Variants in DGKA observed in about 807,000 individuals in gnomAD.
The protein encoded by DGKA is 80 kDa diacylglycerol kinase.
DGKA carries 35 observed loss-of-function variants against 105.0 expected under a neutral mutation model. The ratio of observed to expected loss-of-function variants is 0.33; its 90% confidence interval spans 0.25 to 0.44. The LOEUF (loss-of-function observed/expected upper bound fraction) is 0.44. Among genes scored for constraint, DGKA ranks in the 20% least tolerant of loss-of-function variants. DGKA has a pLI of 1.00. For synonymous variants in DGKA, 296 were observed against 332.0 expected, an observed-to-expected ratio of 0.89 and a Z score of 1.18; for missense variants, 665 against 915.0, an observed-to-expected ratio of 0.73 and a Z score of 3.53.
At chr12:55,949,189 T>C (rs1887649532) in intron 17 of DGKA, among the ~76,000 whole-genome samples, 1 of 151,992 alleles carries the variant, frequency 6.6e-6, no homozygotes, top group Non-Finnish European at 1.5e-5. Context: ...CACACACATA[T>C]GCATAAACAG....
In DGKA at chr12:55,940,988, G is replaced by A; in HGVS notation, c.1101+8G>A. The A allele has an allele frequency of 1.2e-6, 2 of 1,613,296 alleles. No homozygotes were observed. Among genetic ancestry groups the A allele is most frequent in the Non-Finnish European group, 1.7e-6 (2 of 1,179,606 alleles). ...ACCTCTGAGGCTCTGCGGGTACAGG[G>A]CTGAGAGTCTTGGGCTTCATGATGG... On this transcript the variant is annotated splice_region_variant and intron_variant, in intron 13 of 23. Coordinates refer to ENST00000331886, the MANE Select transcript of DGKA (RefSeq NM_001345.5). This position sits in a 1 kb window ranked among gnomAD's most constrained non-coding sequence, Gnocchi z 4.3.
At position 55,938,515 on chromosome 12, in the gene DGKA, C is replaced by T. The variant is rs1288775300; in HGVS notation, c.354C>T (p.Thr118=). 1 of 1,614,020 alleles carries T rather than the reference C, an allele frequency of 6.2e-7. No individual in the cohort carries two copies. The highest frequency in any genetic ancestry group is 2.2e-5 in the East Asian group (1 of 44,896). Residue 118 remains threonine (T), a synonymous_variant, in exon 6 of 24, where the codon ACC becomes ACT. Transcript: ENST00000331886. ...GGRPEDKLEF[T]FKLYDTDRNG... is the part of the protein sequence containing the mutation. ...CCCCCCTAAAACACCCCACAGTCACCTTCAAGCTGTACGACACGGACAGAA... is the reference window on the plus strand; with the variant it reads ...CCCCCCTAAAACACCCCACAGTCACTTTCAAGCTGTACGACACGGACAGAA...
chr12:55,941,939 G>A (rs1886098904), intron 15 of DGKA, 59 bp from the exon 16 acceptor site: 2 of 1,571,852 alleles, frequency 1.3e-6, no homozygotes, highest in East Asian at 2.2e-5. Context: ...GCCTGCTCAG[G>A]ACTTGGGTAG....
intron 17 of DGKA, among the ~76,000 whole-genome samples, chr12:55,950,372 T>C (rs1010940992): frequency 6.6e-6 from 1 of 151,826 alleles, no homozygotes; most frequent in African/African-American, 2.4e-5. Context: ...AGTGGCGCAA[T>C]CTCGGCTCAC....
At chr12:55,942,460 G>A (rs755247596) in intron 17 of DGKA, 197 bp downstream of exon 17, 3 of 568,416 alleles carry the variant, frequency 5.3e-6, no homozygotes, top group South Asian at 2.0e-5. Flanking sequence ...GAACCTAGAA[G>A]GGTCAAGGGT....
Position 55,952,782 on chromosome 12 carries a change from G to A in DGKA, c.1792G>A (p.Ala598Thr), listed in dbSNP as rs1026981531. The A allele has an allele frequency of 4.3e-6, 7 of 1,613,956 alleles. No homozygotes were observed. Among genetic ancestry groups the A allele is most frequent in the East Asian group, 4.5e-5 (2 of 44,900 alleles). The change falls in exon 21 of 24, where the codon GCA becomes ACA. Residue 598 changes from alanine (A) to threonine (T), a missense_variant. Around this residue, in one of 3 missense-constraint regions of DGKA, gnomAD observed 158 missense variants for 213.4 expected, o/e 0.74. Coordinates refer to ENST00000331886, the MANE Select transcript of DGKA (RefSeq NM_001345.5). The surrounding 1 kb of genome is among the most constrained non-coding windows in gnomAD (Gnocchi z 5.1). ...DLSNLSLEGI[A>T]VLNIPSMHGG... Reference sequence around the variant, plus strand: ...GAGCAACCTGTCCCTAGAAGGCATCGCAGTGCTAAACATCCCTAGCATGCA... The same window carrying A: ...GAGCAACCTGTCCCTAGAAGGCATCACAGTGCTAAACATCCCTAGCATGCA...
At chr12:55,938,490 C>A in intron 5 of DGKA, 21 bp from the exon 6 acceptor site, 1 of 1,613,774 alleles carries the variant, frequency 6.2e-7, no homozygotes, top group Non-Finnish European at 8.5e-7. Context: ...CTGACCCTGG[C>A]CCCCCTAAAA....
rs376214728 is a variant in DGKA, at chr12:55,953,052, A to C, written c.1955A>C (p.Lys652Thr). ...LKTCVPDLSD[K>T]RLEVVGLEGA... ...ACTTCGTCCCCAGACCTAAGTGACA[A>C]GAGACTGGAAGTGGTTGGGCTGGAG... Residue 652 changes from lysine to threonine, a missense_variant, in exon 22 of 24, where the codon AAG (lysine) becomes ACG (threonine). Lys to Thr is a moderately conservative substitution (Grantham distance 78). This residue lies in a region of DGKA where 158 missense variants were observed against 213.4 expected (regional missense o/e 0.74). Coordinates refer to ENST00000331886, the MANE Select transcript of DGKA (RefSeq NM_001345.5). 14 of 1,614,192 alleles carry C rather than the reference A, an allele frequency of 8.7e-6. No individual in the cohort carries two copies. Among genetic ancestry groups the C allele is most frequent in the Non-Finnish European group, 1.2e-5 (14 of 1,180,030 alleles).
At chr12:55,927,796 G>T (rs901587272), upstream of DGKA, 8 of 1,535,078 alleles carry the variant, frequency 5.2e-6, no homozygotes, top group Non-Finnish European at 7.0e-6. Context: ...TGGGCGGGCG[G>T]CCCTGGCCTG....
chr12:55,944,374 G>A (rs1298754889), intron 17 of DGKA, among the ~76,000 whole-genome samples: 6 of 152,190 alleles, frequency 3.9e-5, no homozygotes, highest in Non-Finnish European at 5.9e-5. Flanking sequence ...AGGCTGAGGC[G>A]GGAGGATTGC....
At chr12:55,948,140 G>T (rs990785554) in intron 17 of DGKA, among the ~76,000 whole-genome samples, 1 of 151,074 alleles carries the variant, frequency 6.6e-6, no homozygotes, top group Non-Finnish European at 1.5e-5. Context: ...GGTGGCTCAT[G>T]CCTGTAATCC....
chr12:55,930,470 G>C (rs1883431766), upstream of DGKA: 1 of 147,574 alleles, frequency 6.8e-6, no homozygotes, highest in East Asian at 2.1e-4. Context: ...AGGTTCAAGC[G>C]ATTCTCCTGC....
chr12:55,939,957 C>A, intron 9 of DGKA, 125 bp from the exon 10 acceptor site: 1 of 874,264 alleles, frequency 1.1e-6, no homozygotes, highest in East Asian at 2.4e-5. Context: ...CACTTCACCC[C>A]GAACTTTTAT....
At chr12:55,942,593 C>A (rs1886249521) in intron 17 of DGKA, 1 of 318,224 alleles carries the variant, frequency 3.1e-6, no homozygotes, top group Middle Eastern at 1.1e-3. Flanking sequence ...AAGAGCTAAG[C>A]CAGATGCTGA....
At chr12:55,933,686 A>G (rs1324103777) in intron 1 of DGKA, 1 of 152,206 alleles carries the variant, frequency 6.6e-6, no homozygotes, top group Non-Finnish European at 1.5e-5. Context: ...TCATCCTCCC[A>G]GAGGCAAAGT....
In DGKA at chr12:55,953,717, G is replaced by A. The variant is rs1888628284; in HGVS notation, c.2157G>A (p.Met719Ile). 8 of 1,614,044 alleles carry A rather than the reference G, an allele frequency of 5.0e-6. No homozygotes were observed. The highest frequency in any genetic ancestry group is 6.8e-6 in the Non-Finnish European group (8 of 1,180,020). ...IKITHKNQMP[M>I]LMGPPPRSTN... The stretch of plus-strand genomic sequence containing the variant: ...TCACCCACAAGAACCAGATGCCCAT[G>A]CTCATGGGCCCACCCCCCCGCTCCA... The change falls in exon 24 of 24, where the codon ATG becomes ATA. Residue 719 changes from methionine (M) to isoleucine (I), a missense_variant. Coordinates refer to ENST00000331886, the MANE Select transcript of DGKA (RefSeq NM_001345.5).
intron 17 of DGKA, among the ~76,000 whole-genome samples, chr12:55,950,035 C>T (rs1018039377): frequency 6.6e-6 from 1 of 151,244 alleles, no homozygotes; most frequent in African/African-American, 2.4e-5. Context: ...AGTGCAGTGG[C>T]GCAATCTCAG....
At position 55,936,579 on chromosome 12, in the gene DGKA, T is replaced by G; in HGVS notation, c.64+12T>G. 6.2e-7 allele frequency: 1 copy of G among 1,614,174 alleles called. No homozygotes were observed. Among genetic ancestry groups the G allele is most frequent in the Non-Finnish European group, 8.5e-7 (1 of 1,180,012 alleles). On this transcript the variant is annotated intron_variant, in intron 2 of 23. Transcript: ENST00000331886. ...AAAATACATGGAATGTGAGTCTTCC[T>G]GTCAGGCCTTCAGTTCTGGAGACCC...
At chr12:55,948,806 G>A (rs1490400778) in intron 17 of DGKA, among the ~76,000 whole-genome samples, 5 of 151,694 alleles carry the variant, frequency 3.3e-5, no homozygotes, top group Non-Finnish European at 7.4e-5. Context: ...GGTGGATCAC[G>A]AGGTCAGGAG....
Sources: allele counts gnomAD v4.1 joint callset (sites outside exome capture counted in the v4.1 genomes callset), GRCh38; gene constraint gnomAD v4.1.1; regional missense constraint gnomAD v4.1.1; non-coding constraint Gnocchi (gnomAD v3.1); transcripts MANE v1.5; gene names NCBI Gene and HGNC (gene_info 2026-07-23, HGNC 2026-07-21).